The following SSR1 variants were observed in gnomAD, a reference collection of about 807,000 sequenced individuals.
The protein encoded by SSR1 is signal sequence receptor subunit 1.
In SSR1, 13 loss-of-function variants were observed where a neutral mutation model predicts 36.1. The observed-to-expected ratio is 0.36, with a 90% confidence interval of 0.23 to 0.57. The LOEUF (loss-of-function observed/expected upper bound fraction) is 0.57, where lower values mean the gene tolerates loss of function less well. Among genes scored for constraint, SSR1 ranks in the 20% least tolerant of loss-of-function variants. SSR1 has a pLI of 0.81. For missense variants in SSR1, 291 were observed against 338.5 expected, an observed-to-expected ratio of 0.86 and a Z score of 1.10; for synonymous variants, 113 against 118.9, an observed-to-expected ratio of 0.95 and a Z score of 0.32.
Position 7,298,061 on chromosome 6 carries a change from TACAACTATAATTATAAC to T in SSR1, c.621-77_621-61del, listed in dbSNP as rs1757842440. 22 of 1,239,992 alleles carry T rather than the reference TACAACTATAATTATAAC, an allele frequency of 1.8e-5. No homozygotes were observed. The East Asian group carries it at 5.3e-4, about 30-fold the overall frequency. The allele number at this position is 1,239,992 out of a possible 1,614,324, so 76.8% of individuals were successfully genotyped here. On this transcript the variant is annotated intron_variant, in intron 5 of 7. Transcript: ENST00000244763. Reference sequence around the variant, plus strand: ...ATTCAGAGGAAATACCACGTCTAATTACAACTATAATTATAACACATAATAGAAGCTTTCCAAATAAC... The same window carrying T: ...ATTCAGAGGAAATACCACGTCTAATTACATAATAGAAGCTTTCCAAATAAC...
At chr6:7,305,341 C>T (rs1316242032) in intron 2 of SSR1, among the ~76,000 whole-genome samples, 1 of 152,176 alleles carries the variant, frequency 6.6e-6, no homozygotes, top group Non-Finnish European at 1.5e-5. Context: ...AGAGCTACAA[C>T]AGGATAACAA....
At chr6:7,312,692 G>A (rs1758231670) in intron 1 of SSR1, among the ~76,000 whole-genome samples, 1 of 152,230 alleles carries the variant, frequency 6.6e-6, no homozygotes, top group Non-Finnish European at 1.5e-5. Context: ...CGCTCGGAGC[G>A]CAGCCGTGTC....
intron 4 of SSR1, 178 bp from the exon 5 acceptor site, chr6:7,299,001 T>G (rs903183469): frequency 2.9e-5 from 17 of 583,778 alleles, no homozygotes; most frequent in African/African-American, 2.8e-4. Flanking sequence ...CATTGTTATT[T>G]TCTCACATGA....
chr6:7,308,931 G>A (rs1204643565), intron 2 of SSR1, among the ~76,000 whole-genome samples: 2 of 152,146 alleles, frequency 1.3e-5, no homozygotes, highest in African/African-American at 4.8e-5. Context: ...GAAGCAGCAG[G>A]TATTCCAAAT....
intron 2 of SSR1, among the ~76,000 whole-genome samples, chr6:7,307,371 C>T (rs1044263065): frequency 1.3e-5 from 2 of 152,186 alleles, no homozygotes; most frequent in Non-Finnish European, 2.9e-5. Context: ...GCAGAGGGTA[C>T]TAACACTTCT....
chr6:7,284,599 C>T lies in SSR1; in HGVS notation c.*5265G>A, dbSNP rs992170685. ...AGGCAATGTTCTAAGCAGCTACACA[C>T]AGTAACTCCTAACAACCTTAGGAGG... is the stretch of plus-strand genomic sequence containing the variant. On this transcript the variant is annotated 3_prime_UTR_variant, in exon 8 of 8. Coordinates refer to ENST00000244763, the MANE Select transcript of SSR1 (RefSeq NM_003144.5). The T allele has an allele frequency of 6.6e-6, 1 of 152,134 alleles. No individual in the cohort carries two copies. The highest frequency in any genetic ancestry group is 2.4e-5 in the African/African-American group (1 of 41,418). The allele number at this position is 152,134 out of a possible 1,614,324, so 9.4% of individuals were successfully genotyped here. A position where few individuals can be genotyped will look rare whatever the true frequency, so the allele number is the denominator to read the frequency against.
intron 5 of SSR1, 137 bp from the exon 6 acceptor site, chr6:7,298,138 A>G (rs531105426): frequency 1.7e-6 from 1 of 594,280 alleles, no homozygotes; most frequent in East Asian, 3.1e-5. Flanking sequence ...TTTGTATTCA[A>G]CTTAAATCCA....
chr6:7,292,705 C>G (rs533329889), intron 7 of SSR1, among the ~76,000 whole-genome samples: 1 of 149,482 alleles, frequency 6.7e-6, no homozygotes, highest in Non-Finnish European at 1.5e-5. Context: ...TTTTAAAACA[C>G]AATTGTAATT....
rs1005169942 is a variant in SSR1, at chr6:7,287,842, A to C, written c.*2022T>G. The C allele has an allele frequency of 1.3e-5, 2 of 152,594 alleles. No homozygotes were observed. The highest frequency in any genetic ancestry group is 4.8e-5 in the African/African-American group (2 of 41,436). 9.5% of individuals were successfully genotyped at this position (152,594 alleles called of 1,614,324 possible). On this transcript the variant is annotated 3_prime_UTR_variant, in exon 8 of 8. Transcript: ENST00000244763. ...ATTGAATTCCATTCATTACGGAGTTAGTTTCTGCTAAATACTTACTGATGC... is the reference window on the plus strand; with the variant it reads ...ATTGAATTCCATTCATTACGGAGTTCGTTTCTGCTAAATACTTACTGATGC...
intron 6 of SSR1, chr6:7,297,216 CAAAAAAAAAAA>C (rs55729286): frequency 1.4e-5 from 1 of 73,352 alleles, no homozygotes; most frequent in African/African-American, 5.7e-5. Flanking sequence ...CAGACTGTCT[CAAAAAAAAAAA>C]AAAAAAAAAG....
chr6:7,292,411 A>G (rs1757703481), intron 7 of SSR1, among the ~76,000 whole-genome samples: 1 of 151,816 alleles, frequency 6.6e-6, no homozygotes, highest in African/African-American at 2.4e-5. Flanking sequence ...ACATCCTTCT[A>G]CTCCCTTTTA....
At chr6:7,292,375 A>G (rs1205500043) in intron 7 of SSR1, among the ~76,000 whole-genome samples, 1 of 152,030 alleles carries the variant, frequency 6.6e-6, no homozygotes, top group African/African-American at 2.4e-5. Context: ...CCAGTCATAA[A>G]AAACCCCATC....
At position 7,313,099 on chromosome 6, in the gene SSR1, G is replaced by A. The variant is rs1453945489; in HGVS notation, c.22C>T (p.Leu8=). 6.2e-7 allele frequency: 1 copy of A among 1,607,858 alleles called. No individual in the cohort carries two copies. Among genetic ancestry groups the A allele is most frequent in the Non-Finnish European group, 8.5e-7 (1 of 1,177,050 alleles). The change falls in exon 1 of 8, where the codon CTG becomes TTG. Residue 8 remains leucine (L), a synonymous_variant. Coordinates refer to ENST00000244763, the MANE Select transcript of SSR1 (RefSeq NM_003144.5). MRLLPRL[L]LLLLLVFPAT... is the part of the protein sequence containing the mutation. ...GGGAACACGAGTAAGAGAAGCAGCA[G>A]CAAGCGGGGGAGGAGTCTCATGGCG...
intron 1 of SSR1, among the ~76,000 whole-genome samples, chr6:7,312,383 T>C (rs1175937832): frequency 6.6e-6 from 1 of 152,094 alleles, no homozygotes; most frequent in Non-Finnish European, 1.5e-5. Context: ...AAGGGAGACA[T>C]CCCACAGGGA....
rs777732061 is a variant in SSR1, at chr6:7,298,747, G to A, written c.620C>T (p.Thr207Ile). The change falls in exon 5 of 8, where the codon ACA (threonine) becomes ATA (isoleucine). Residue 207 changes from threonine to isoleucine, a missense_variant and splice_region_variant. Coordinates refer to ENST00000244763, the MANE Select transcript of SSR1 (RefSeq NM_003144.5). ...IEREDGLDGE[T>I]IFMYMFLAGL... is the part of the protein sequence containing the mutation. ...TCTACATACTACAACTTTCACTTACGTTTCTCCATCTAACCCATCCTCTCT... is the reference window on the plus strand; with the variant it reads ...TCTACATACTACAACTTTCACTTACATTTCTCCATCTAACCCATCCTCTCT... The A allele has an allele frequency of 5.6e-6, 9 of 1,610,918 alleles. No individual in the cohort carries two copies. The highest frequency in any genetic ancestry group is 2.2e-5 in the South Asian group (2 of 90,992).
chr6:7,298,150 G>T, intron 5 of SSR1, 149 bp from the exon 6 acceptor site: 2 of 539,464 alleles, frequency 3.7e-6, no homozygotes, highest in South Asian at 3.0e-5. Context: ...TTAAATCCAG[G>T]TAGTTAAGTT....
intron 6 of SSR1, 140 bp from the exon 7 acceptor site, chr6:7,295,625 T>C: frequency 1.8e-6 from 1 of 568,172 alleles, no homozygotes; most frequent in Non-Finnish European, 3.0e-6. Context: ...TGCCTGAGCC[T>C]CCCAAGTAGC....
intron 1 of SSR1, among the ~76,000 whole-genome samples, chr6:7,310,950 T>G (rs375293175): frequency 6.6e-6 from 1 of 152,158 alleles, no homozygotes; most frequent in Non-Finnish European, 1.5e-5. Context: ...TCTTAAGTTC[T>G]AATGTTCTAT....
chr6:7,313,195 C>T lies in SSR1; in HGVS notation c.-75G>A. On this transcript the variant is annotated 5_prime_UTR_variant, in exon 1 of 8. It removes an upstream start codon present in the reference 5' UTR. Coordinates refer to ENST00000244763, the MANE Select transcript of SSR1 (RefSeq NM_003144.5). ...CTCCGGCGGTAATGGCGTTACTCTTCATCCGGGCTCCGGGCAGCGAGGGGC... is the reference window on the plus strand; with the variant it reads ...CTCCGGCGGTAATGGCGTTACTCTTTATCCGGGCTCCGGGCAGCGAGGGGC... 1.4e-6 allele frequency: 2 copies of T among 1,399,962 alleles called. No individual in the cohort carries two copies. Among genetic ancestry groups the T allele is most frequent in the South Asian group, 2.6e-5 (2 of 76,472 alleles). 86.7% of individuals were successfully genotyped at this position (1,399,962 alleles called of 1,614,324 possible).
Sources: allele counts gnomAD v4.1 joint callset (sites outside exome capture counted in the v4.1 genomes callset), GRCh38; gene constraint gnomAD v4.1.1; transcripts MANE v1.5; gene names NCBI Gene and HGNC (gene_info 2026-07-23, HGNC 2026-07-21).